The following NEGR1 variants were observed in gnomAD, a reference collection of about 807,000 sequenced individuals.
The protein encoded by NEGR1 is IgLON family member 4.
NEGR1 carries 10 observed loss-of-function variants against 40.9 expected under a neutral mutation model. That is an observed-to-expected ratio of 0.24 (90% CI 0.15 to 0.42). The LOEUF is 0.42. Among genes scored for constraint, NEGR1 ranks in the 10% least tolerant of loss-of-function variants. NEGR1 has a pLI of 1.00. For missense variants in NEGR1, 352 were observed against 438.9 expected (o/e 0.80, Z 1.77); for synonymous variants, 185 against 166.8 (o/e 1.11, Z -0.84).
At chr1:72,058,587 G>A (rs914082035) in intron 1 of NEGR1, among the ~76,000 whole-genome samples, 1 of 151,572 alleles carries the variant, frequency 6.6e-6, no homozygotes. Flanking sequence ...AATTACCAGG[G>A]TAATGCCATT....
intron 3 of NEGR1, among the ~76,000 whole-genome samples, chr1:71,751,233 C>T (rs986120738): frequency 2.6e-5 from 4 of 152,078 alleles, no homozygotes; most frequent in African/African-American, 9.7e-5. Flanking sequence ...CAGTAATGAG[C>T]ATCCCAAGAT....
intron 4 of NEGR1, among the ~76,000 whole-genome samples, chr1:71,620,077 T>C (rs962544973): frequency 1.3e-5 from 2 of 151,926 alleles, no homozygotes; most frequent in Non-Finnish European, 2.9e-5. Context: ...GCAAAAGAAT[T>C]TGAACACCAC....
At chr1:71,696,052 GA>G (rs1653464549) in intron 4 of NEGR1, among the ~76,000 whole-genome samples, 1 of 151,752 alleles carries the variant, frequency 6.6e-6, no homozygotes, top group Non-Finnish European at 1.5e-5. Context: ...CTATTGCTAT[GA>G]GTAATACATT....
At chr1:71,497,444 T>G (rs1646971599) in intron 6 of NEGR1, among the ~76,000 whole-genome samples, 1 of 152,142 alleles carries the variant, frequency 6.6e-6, no homozygotes, top group Non-Finnish European at 1.5e-5. Context: ...TAGTTTTTTT[T>G]TCAAATATGC....
intron 1 of NEGR1, among the ~76,000 whole-genome samples, chr1:72,181,260 AT>A (rs1165280080): frequency 6.6e-6 from 1 of 152,136 alleles, no homozygotes; most frequent in Non-Finnish European, 1.5e-5. Context: ...ACTTCAGATA[AT>A]AACCCTGAAG....
chr1:71,888,204 G>A (rs915622298), intron 2 of NEGR1, among the ~76,000 whole-genome samples: 4 of 151,946 alleles, frequency 2.6e-5, no homozygotes, highest in South Asian at 2.1e-4. Context: ...TGGAGAAGTC[G>A]GGGGAGGAGC....
chr1:72,140,731 T>A (rs1333662181), intron 1 of NEGR1, among the ~76,000 whole-genome samples: 8 of 152,040 alleles, frequency 5.3e-5, no homozygotes, highest in Admixed American at 1.3e-4. Flanking sequence ...TTGTTAAATG[T>A]TAGTGAAGAA....
intron 2 of NEGR1, among the ~76,000 whole-genome samples, chr1:71,906,641 G>GA (rs199880801): frequency 4.0e-5 from 6 of 151,398 alleles, no homozygotes; most frequent in Admixed American, 2.0e-4. Flanking sequence ...TTAAAATAGT[G>GA]AAAAAAAACT....
chr1:71,897,827 T>C (rs1024112034), intron 2 of NEGR1, among the ~76,000 whole-genome samples: 2 of 152,208 alleles, frequency 1.3e-5, no homozygotes, highest in Non-Finnish European at 2.9e-5. Flanking sequence ...AGTGCTTATC[T>C]AGAAGCGCAG....
At chr1:71,706,861 T>C (rs1385176001) in intron 3 of NEGR1, among the ~76,000 whole-genome samples, 1 of 151,944 alleles carries the variant, frequency 6.6e-6, no homozygotes, top group African/African-American at 2.4e-5. Context: ...AGGTACTACA[T>C]TGAGGGTCTT....
At chr1:71,481,948 G>A (rs1039455948) in intron 6 of NEGR1, among the ~76,000 whole-genome samples, 1 of 151,222 alleles carries the variant, frequency 6.6e-6, no homozygotes, top group African/African-American at 2.4e-5. Context: ...CACTTTCTCT[G>A]TACTTTAGTT....
chr1:72,275,628 T>C (rs567265420), intron 1 of NEGR1, among the ~76,000 whole-genome samples: 4 of 152,124 alleles, frequency 2.6e-5, no homozygotes, highest in Non-Finnish European at 5.9e-5. Flanking sequence ...AGAGCATCCC[T>C]GAGAGAGTCA....
At chr1:71,770,146 G>C (rs909954539) in intron 3 of NEGR1, among the ~76,000 whole-genome samples, 1 of 152,142 alleles carries the variant, frequency 6.6e-6, no homozygotes, top group Non-Finnish European at 1.5e-5. Flanking sequence ...ATTTGAAACA[G>C]ATAAAGAACC....
intron 1 of NEGR1, among the ~76,000 whole-genome samples, chr1:72,149,499 C>T (rs1651036441): frequency 6.6e-6 from 1 of 152,116 alleles, no homozygotes; most frequent in Admixed American, 6.6e-5. Context: ...TTAAAATAGA[C>T]ATTGAGATAT....
intron 4 of NEGR1, among the ~76,000 whole-genome samples, chr1:71,694,878 T>C (rs1242052210): frequency 2.6e-5 from 4 of 151,748 alleles, no homozygotes; most frequent in African/African-American, 4.8e-5. Context: ...GCACAATCAA[T>C]ATTGATTAAT....
intron 2 of NEGR1, among the ~76,000 whole-genome samples, chr1:71,878,989 CA>C (rs1660508593): frequency 2.0e-5 from 3 of 151,880 alleles, no homozygotes; most frequent in Admixed American, 2.0e-4. Context: ...TAAAATTAGC[CA>C]GGGGTGGTGG....
chr1:71,463,969 A>G (rs945812512), intron 6 of NEGR1, among the ~76,000 whole-genome samples: 7 of 152,280 alleles, frequency 4.6e-5, no homozygotes, highest in African/African-American at 9.6e-5. Flanking sequence ...AGACAAATTG[A>G]TTTCTCAGAA....
intron 3 of NEGR1, among the ~76,000 whole-genome samples, chr1:71,699,975 G>T (rs753326609): frequency 4.6e-5 from 7 of 151,824 alleles, no homozygotes; most frequent in Non-Finnish European, 7.4e-5. Context: ...ATGTGGAACT[G>T]TATGTCCGAT....
chr1:71,680,777 GT>G (rs1481780730), intron 4 of NEGR1, among the ~76,000 whole-genome samples: 3 of 152,102 alleles, frequency 2.0e-5, no homozygotes, highest in Admixed American at 2.0e-4. Context: ...AAAATATATA[GT>G]TAATATTTAT....
Sources: allele counts gnomAD v4.1 joint callset (sites outside exome capture counted in the v4.1 genomes callset), GRCh38; gene constraint gnomAD v4.1.1; transcripts MANE v1.5; gene names NCBI Gene and HGNC (gene_info 2026-07-23, HGNC 2026-07-21).